Variants in SOX5 observed in about 807,000 individuals in gnomAD.
The protein encoded by SOX5 is transcription factor SOX-5.
A neutral mutation model predicts 92.0 loss-of-function variants in SOX5; 9 were observed. That is an observed-to-expected ratio of 0.10 (90% confidence interval 0.06 to 0.17). SOX5 has a LOEUF of 0.17. Ranked by LOEUF, SOX5 falls within the 10% of genes least tolerant of loss-of-function variation. The pLI is 1.00. For missense variants in SOX5, 642 were observed against 944.5 expected, an observed-to-expected ratio of 0.68 and a Z score of 4.20; for synonymous variants, 344 against 336.3, an observed-to-expected ratio of 1.02 and a Z score of -0.25.
intron 1 of SOX5, among the ~76,000 whole-genome samples, chr12:23,904,023 T>C (rs2097264979): frequency 6.6e-6 from 1 of 152,224 alleles, no homozygotes; most frequent in South Asian, 2.1e-4. Flanking sequence ...ATTACTCTTA[T>C]CTATGAATTT....
intron 1 of SOX5, among the ~76,000 whole-genome samples, chr12:23,936,820 A>T (rs1480847679): frequency 6.6e-6 from 1 of 151,040 alleles, no homozygotes; most frequent in Non-Finnish European, 1.5e-5. Context: ...TATAATCAAC[A>T]TTTTAAAACT....
At chr12:23,661,486 A>G (rs1436104121) in intron 7 of SOX5, among the ~76,000 whole-genome samples, 1 of 152,220 alleles carries the variant, frequency 6.6e-6, no homozygotes, top group Non-Finnish European at 1.5e-5. Flanking sequence ...GCTCTCAAGT[A>G]TAAAATTTTA....
intron 1 of SOX5, among the ~76,000 whole-genome samples, chr12:24,388,083 C>A (rs1596183706): frequency 6.6e-6 from 1 of 152,194 alleles, no homozygotes; most frequent in African/African-American, 2.4e-5. Context: ...AGAAGTAATT[C>A]AATCCTTCAC....
intron 1 of SOX5, among the ~76,000 whole-genome samples, chr12:23,915,039 G>C (rs2097398114): frequency 6.6e-6 from 1 of 152,130 alleles, no homozygotes; most frequent in African/African-American, 2.4e-5. Flanking sequence ...TGATTAGACA[G>C]ACCTAGACTG....
chr12:23,963,330 CTTAT>C (rs978865738), intron 4 of SOX5, among the ~76,000 whole-genome samples: 11 of 152,176 alleles, frequency 7.2e-5, no homozygotes, highest in Non-Finnish European at 1.5e-4. Flanking sequence ...GGAGACATCA[CTTAT>C]GTTCTATTAC....
intron 4 of SOX5, among the ~76,000 whole-genome samples, chr12:24,163,634 A>T (rs1953038303): frequency 8.0e-6 from 1 of 125,312 alleles, no homozygotes. Context: ...AAATGGCTTT[A>T]AAGAGTATGA....
chr12:23,866,676 G>C (rs973523778), intron 2 of SOX5, among the ~76,000 whole-genome samples: 1 of 152,076 alleles, frequency 6.6e-6, no homozygotes, highest in Non-Finnish European at 1.5e-5. Flanking sequence ...CAATACATTT[G>C]AGACTACTGA....
chr12:24,416,477 G>A (rs945525522), intron 1 of SOX5, among the ~76,000 whole-genome samples: 3 of 152,200 alleles, frequency 2.0e-5, no homozygotes, highest in African/African-American at 4.8e-5. Context: ...CAGGAGCTAC[G>A]AATGTATTCA....
chr12:23,892,024 T>C (rs2097134373), intron 2 of SOX5, among the ~76,000 whole-genome samples: 1 of 152,174 alleles, frequency 6.6e-6, no homozygotes, highest in South Asian at 2.1e-4. Context: ...GTTGAATATC[T>C]AGTATATGTT....
chr12:23,537,070 A>T (rs1359696195), intron 13 of SOX5, among the ~76,000 whole-genome samples: 1 of 152,128 alleles, frequency 6.6e-6, no homozygotes, highest in African/African-American at 2.4e-5. Context: ...TTTATGTGGG[A>T]GATGTTTTTT....
At chr12:24,427,462 G>A (rs1021930187) in intron 1 of SOX5, among the ~76,000 whole-genome samples, 1 of 152,126 alleles carries the variant, frequency 6.6e-6, no homozygotes, top group Non-Finnish European at 1.5e-5. Flanking sequence ...ATATCACATG[G>A]GAGATAGAAT....
chr12:23,935,543 C>T (rs765598829), intron 1 of SOX5, among the ~76,000 whole-genome samples: 6 of 151,108 alleles, frequency 4.0e-5, no homozygotes, highest in Non-Finnish European at 7.4e-5. Flanking sequence ...TACATAGTTA[C>T]ACTTCTCCCA....
intron 2 of SOX5, among the ~76,000 whole-genome samples, chr12:24,347,368 A>G (rs1182832696): frequency 6.6e-6 from 1 of 152,154 alleles, no homozygotes; most frequent in Non-Finnish European, 1.5e-5. Context: ...CAATCCTTCA[A>G]GGATAACCAG....
chr12:23,994,484 C>T (rs1950855703), intron 4 of SOX5, among the ~76,000 whole-genome samples: 2 of 152,004 alleles, frequency 1.3e-5, no homozygotes, highest in South Asian at 4.2e-4. Context: ...AATATATGTG[C>T]CTGTTATCTG....
At chr12:23,709,059 T>C (rs17473100) in intron 6 of SOX5, among the ~76,000 whole-genome samples, 34,895 of 150,692 alleles carry the variant, frequency 0.23, 4,704 homozygotes, top group Non-Finnish European at 0.29. Context: ...GAGTAGAAGG[T>C]TAGGGACAAA....
chr12:24,147,960 G>A (rs1009209812), intron 4 of SOX5, among the ~76,000 whole-genome samples: 4 of 152,144 alleles, frequency 2.6e-5, no homozygotes, highest in Admixed American at 1.3e-4. Context: ...TTGTCAAGAT[G>A]TCAGTTCTCT....
chr12:23,530,818 T>TGTGTGCGCGCGC lies in SOX5; in HGVS notation c.*3400_*3401insGCGCGCGCACAC. ...GGGCAAGTGTGTGTGTGTGTGTGTGTGCGCGCGCGCGCGCGCGCATGTGAG... is the reference window on the plus strand; with the variant it reads ...GGGCAAGTGTGTGTGTGTGTGTGTGTGTGTGCGCGCGCGCGCGCGCGCGCGCGCGCATGTGAG... On this transcript the variant is annotated 3_prime_UTR_variant, in exon 15 of 15. Coordinates refer to ENST00000451604, the MANE Select transcript of SOX5 (RefSeq NM_006940.6). The TGTGTGCGCGCGC allele has an allele frequency of 7.6e-6, 1 of 132,116 alleles. No individual in the cohort carries two copies. The highest frequency in any genetic ancestry group is 2.7e-4 in the South Asian group (1 of 3,704). The allele number at this position is 132,116 out of a possible 1,614,324, so 8.2% of individuals were successfully genotyped here. A position where few individuals can be genotyped will look rare whatever the true frequency, so the allele number is the denominator to read the frequency against.
chr12:23,721,051 G>A (rs979923129), intron 6 of SOX5, among the ~76,000 whole-genome samples: 1 of 151,756 alleles, frequency 6.6e-6, no homozygotes, highest in Non-Finnish European at 1.5e-5. Context: ...TATCTCTAAA[G>A]TCTGTTTTTC....
chr12:23,656,317 CAGAG>C (rs967574305), intron 7 of SOX5, among the ~76,000 whole-genome samples: 9 of 152,028 alleles, frequency 5.9e-5, no homozygotes. Flanking sequence ...TTAACAAACT[CAGAG>C]AGCATTAGAA....
Sources: allele counts gnomAD v4.1 joint callset (sites outside exome capture counted in the v4.1 genomes callset), GRCh38; gene constraint gnomAD v4.1.1; transcripts MANE v1.5; gene names NCBI Gene and HGNC (gene_info 2026-07-23, HGNC 2026-07-21).